USP33: variants seen among roughly 807,000 people sequenced by gnomAD.
USP33 encodes the protein ubiquitin carboxyl-terminal hydrolase 33.
USP33 carries 46 observed loss-of-function variants against 124.2 expected under a neutral mutation model. That is an observed-to-expected ratio of 0.37 (90% CI 0.29 to 0.47). USP33 has a LOEUF of 0.47. Among genes scored for constraint, USP33 ranks in the 20% least tolerant of loss-of-function variants. The pLI is 0.99. For synonymous variants in USP33, 350 were observed against 352.3 expected, an observed-to-expected ratio of 0.99 and a Z score of 0.07; for missense variants, 851 against 1,070.6, an observed-to-expected ratio of 0.79 and a Z score of 2.86.
chr1:77,732,022 T>C (rs962050876), intron 7 of USP33, among the ~76,000 whole-genome samples: 4 of 151,708 alleles, frequency 2.6e-5, no homozygotes, highest in East Asian at 1.9e-4. Flanking sequence ...GAAGAACCCT[T>C]GAACCCAGGA....
intron 22 of USP33, 84 bp downstream of exon 22, chr1:77,701,285 A>C: frequency 1.1e-6 from 1 of 894,972 alleles, no homozygotes; most frequent in Non-Finnish European, 1.8e-6. Flanking sequence ...TGTAATCCCA[A>C]GTGCACACAG....
chr1:77,700,697 CTTTTTTTTTT>C, intron 22 of USP33, among the ~76,000 whole-genome samples: 1 of 132,156 alleles, frequency 7.6e-6, no homozygotes, highest in South Asian at 2.5e-4. Context: ...ATATCAGAAT[CTTTTTTTTTT>C]TTTTTTTTTT....
intron 5 of USP33, 56 bp downstream of exon 5, chr1:77,739,209 T>G (rs184211812): frequency 3.9e-6 from 6 of 1,550,234 alleles, no homozygotes; most frequent in Non-Finnish European, 5.2e-6. Context: ...CATGACAAAT[T>G]CTGAAATTAT....
intron 1 of USP33, among the ~76,000 whole-genome samples, chr1:77,750,624 AAAAGAAAGAAAGAAAG>A (rs532432531): frequency 0.011 from 1,404 of 123,374 alleles, 8 homozygotes; most frequent in African/African-American, 0.017. Flanking sequence ...CCTGACTTAA[AAAAGAAAGAAAGAAAG>A]AAAGAAAGAA....
chr1:77,745,072 G>C (rs568960425), intron 1 of USP33, among the ~76,000 whole-genome samples: 1 of 152,272 alleles, frequency 6.6e-6, no homozygotes, highest in Admixed American at 6.5e-5. Context: ...CTCTTTGTAG[G>C]TCTCTAAGGA....
At chr1:77,713,506 T>TG in intron 19 of USP33, 1 of 416,168 alleles carries the variant, frequency 2.4e-6, no homozygotes, top group Non-Finnish European at 4.2e-6. Context: ...CACCCCAGCG[T>TG]CCTGAGTAGC....
At chr1:77,750,833 A>T (rs1680265101) in intron 1 of USP33, among the ~76,000 whole-genome samples, 1 of 145,548 alleles carries the variant, frequency 6.9e-6, no homozygotes, top group Non-Finnish European at 1.5e-5. Context: ...TAAGGTAATA[A>T]AATCATTCTT....
At chr1:77,703,237 T>C (rs900499434) in intron 21 of USP33, among the ~76,000 whole-genome samples, 1 of 152,174 alleles carries the variant, frequency 6.6e-6, no homozygotes, top group Non-Finnish European at 1.5e-5. Flanking sequence ...TAACCCTTCT[T>C]TTTGCAGGTG....
intron 10 of USP33, 72 bp from the exon 11 acceptor site, chr1:77,725,834 T>C: frequency 7.5e-7 from 1 of 1,334,754 alleles, no homozygotes; most frequent in East Asian, 2.6e-5. Context: ...ATGTTAAAGG[T>C]TTCTTAATTT....
In USP33 at chr1:77,714,512, G is replaced by A. The variant is rs1052442396; in HGVS notation, c.2215+102C>T. ...CACATTAAGTTTGAATGCAGGTGGG[G>A]AAATGGGAAATAAGTGGGAGAGGAA... On this transcript the variant is annotated intron_variant, in intron 19 of 23. Coordinates refer to ENST00000370794, the MANE Select transcript of USP33 (RefSeq NM_201624.3). 3.4e-6 allele frequency: 4 copies of A among 1,186,222 alleles called. No homozygotes were observed. The African/African-American group carries it at 6.2e-5, about 18-fold the overall frequency. The allele number at this position is 1,186,222 out of a possible 1,614,324, so 73.5% of individuals were successfully genotyped here. A position where few individuals can be genotyped will look rare whatever the true frequency, so the allele number is the denominator to read the frequency against.
intron 21 of USP33, among the ~76,000 whole-genome samples, chr1:77,711,329 C>A (rs1675225490): frequency 6.6e-6 from 1 of 152,114 alleles, no homozygotes; most frequent in African/African-American, 2.4e-5. Flanking sequence ...GAGTTCGAGA[C>A]CAGCATGGCC....
chr1:77,729,425 C>T lies in USP33; in HGVS notation c.717+435G>A, dbSNP rs968529194. ...AGTGCCTCATGCCTGTAATCCAACA[C>T]TGTGGGAGGCCGAGGAGGGTGGATT... On this transcript the variant is annotated intron_variant, in intron 9 of 23. Coordinates refer to ENST00000370794, the MANE Select transcript of USP33 (RefSeq NM_201624.3). Among the ~76,000 whole-genome samples, 8 of 148,850 alleles carry T rather than the reference C, an allele frequency of 5.4e-5. No homozygotes were observed. In the East Asian group the frequency reaches 7.9e-4, roughly 15 times the overall value.
At chr1:77,709,978 C>T (rs538382833) in intron 21 of USP33, among the ~76,000 whole-genome samples, 51 of 152,080 alleles carry the variant, frequency 3.4e-4, no homozygotes, top group African/African-American at 1.2e-3. Context: ...CCAATAACAA[C>T]ACAAGGTACA....
chr1:77,713,432 A>T, intron 19 of USP33, 151 bp from the exon 20 acceptor site: 1 of 631,936 alleles, frequency 1.6e-6, no homozygotes, highest in Non-Finnish European at 2.6e-6. Flanking sequence ...CCCAGTCCAG[A>T]GAGTGCAGTG....
intron 8 of USP33, 128 bp from the exon 9 acceptor site, chr1:77,730,066 G>T: frequency 2.4e-6 from 2 of 839,878 alleles, no homozygotes; most frequent in Non-Finnish European, 3.7e-6. Context: ...ATTCAAAACT[G>T]CCTAATATTA....
chr1:77,721,979 C>G (rs751103025), intron 13 of USP33, 45 bp downstream of exon 13: 4 of 1,603,504 alleles, frequency 2.5e-6, no homozygotes, highest in Non-Finnish European at 2.6e-6. Context: ...ACAGCAGAAA[C>G]AGCAGGTTTA....
chr1:77,716,886 A>T (rs550072511), intron 17 of USP33, among the ~76,000 whole-genome samples: 5 of 146,896 alleles, frequency 3.4e-5, no homozygotes, highest in African/African-American at 1.3e-4. Context: ...TTTTTTTGAC[A>T]TGGAGTTTTG....
intron 7 of USP33, among the ~76,000 whole-genome samples, chr1:77,731,532 T>A (rs1385757512): frequency 6.6e-6 from 1 of 151,920 alleles, no homozygotes; most frequent in East Asian, 1.9e-4. Flanking sequence ...CTTTGCCAAG[T>A]GTAATCTTTT....
chr1:77,713,050 A>C, intron 20 of USP33, 150 bp downstream of exon 20: 3 of 603,978 alleles, frequency 5.0e-6, no homozygotes, highest in Non-Finnish European at 8.5e-6. Flanking sequence ...CACAGTAGCT[A>C]CAAAGTCTTC....
Sources: allele counts gnomAD v4.1 joint callset (sites outside exome capture counted in the v4.1 genomes callset), GRCh38; gene constraint gnomAD v4.1.1; transcripts MANE v1.5; gene names NCBI Gene and HGNC (gene_info 2026-07-23, HGNC 2026-07-21).